MED12L: variants seen among roughly 807,000 people sequenced by gnomAD.
MED12L encodes mediator of RNA polymerase II transcription subunit 12-like protein.
A neutral mutation model predicts 281.3 loss-of-function variants in MED12L; 60 were observed. The ratio of observed to expected loss-of-function variants is 0.21; its 90% confidence interval spans 0.17 to 0.26. The LOEUF is 0.26. Among genes scored for constraint, MED12L ranks in the 10% least tolerant of loss-of-function variants. The pLI is 1.00. For synonymous variants in MED12L, 974 were observed against 987.2 expected, an observed-to-expected ratio of 0.99 and a Z score of 0.25; for missense variants, 2,146 against 2,680.9, an observed-to-expected ratio of 0.80 and a Z score of 4.41.
chr3:151,356,894 CT>C (rs1264314834), intron 19 of MED12L, among the ~76,000 whole-genome samples: 5 of 151,862 alleles, frequency 3.3e-5, no homozygotes, highest in African/African-American at 1.2e-4. Flanking sequence ...AGCCAAATAA[CT>C]TTCATTTTAT....
chr3:151,264,029 T>C (rs1289839658), intron 16 of MED12L, among the ~76,000 whole-genome samples: 1 of 152,252 alleles, frequency 6.6e-6, no homozygotes, highest in African/African-American at 2.4e-5. Context: ...ATGGTGACTT[T>C]TCCATTTCAG....
At chr3:151,189,734 A>G (rs1310760647) in intron 13 of MED12L, among the ~76,000 whole-genome samples, 1 of 152,202 alleles carries the variant, frequency 6.6e-6, no homozygotes, top group Non-Finnish European at 1.5e-5. Context: ...TGTGAATGTG[A>G]TGGTACCAAG....
intron 20 of MED12L, 150 bp downstream of exon 20, chr3:151,357,526 C>G: frequency 1.6e-6 from 1 of 641,822 alleles, no homozygotes; most frequent in Middle Eastern, 4.5e-4. Context: ...AAACATCGAT[C>G]AAAAAGGTCT....
At chr3:151,328,882 G>A in intron 16 of MED12L, 1 of 1,614,032 alleles carries the variant, frequency 6.2e-7, no homozygotes, top group Non-Finnish European at 8.5e-7. Context: ...TCAGCAGGAT[G>A]CCGGTCAAGA....
intron 16 of MED12L, chr3:151,198,282 C>G: frequency 1.7e-6 from 1 of 573,146 alleles, no homozygotes; most frequent in Non-Finnish European, 2.8e-6. Context: ...AACAGGATTT[C>G]TAAGTAAACC....
chr3:151,379,687 C>CAT (rs1711895232), intron 31 of MED12L, among the ~76,000 whole-genome samples: 1 of 152,122 alleles, frequency 6.6e-6, no homozygotes, highest in South Asian at 2.1e-4. Flanking sequence ...GCTCAACAGA[C>CAT]ATATATATAG....
chr3:151,136,891 C>T (rs375192168), intron 5 of MED12L, among the ~76,000 whole-genome samples: 34 of 152,074 alleles, frequency 2.2e-4, no homozygotes, highest in African/African-American at 5.5e-4. Context: ...AGGCTGTGTG[C>T]GGTGGCTCAC....
At chr3:151,278,921 T>C (rs989291819) in intron 16 of MED12L, among the ~76,000 whole-genome samples, 1 of 152,252 alleles carries the variant, frequency 6.6e-6, no homozygotes, top group African/African-American at 2.4e-5. Context: ...TGAACATTAC[T>C]GATAAATAGA....
intron 2 of MED12L, among the ~76,000 whole-genome samples, chr3:151,094,013 G>T (rs935548339): frequency 6.6e-6 from 1 of 152,228 alleles, no homozygotes; most frequent in Non-Finnish European, 1.5e-5. Flanking sequence ...TGAGCACGAG[G>T]TAGGAGAGGA....
At chr3:151,423,578 G>A (rs1164163362) in intron 43 of MED12L, among the ~76,000 whole-genome samples, 1 of 152,126 alleles carries the variant, frequency 6.6e-6, no homozygotes. Flanking sequence ...AAAGACATGG[G>A]TACCCTTGCT....
Position 151,188,349 on chromosome 3 carries a change from T to C in MED12L, c.1627-5T>C, listed in dbSNP as rs1334637655. ...TTAACTTTGTTATTTATTTTTAATC[T>C]GTAGAGATGTGGTGAATCAGAAGTC... On this transcript the variant is annotated splice_region_variant and splice_polypyrimidine_tract_variant and intron_variant, in intron 12 of 44. Coordinates refer to ENST00000687756, the MANE Select transcript of MED12L (RefSeq NM_001393769.1). The C allele has an allele frequency of 6.3e-7, 1 of 1,591,010 alleles. No individual in the cohort carries two copies.
chr3:151,136,138 C>G (rs187305605), intron 5 of MED12L, among the ~76,000 whole-genome samples: 2 of 152,162 alleles, frequency 1.3e-5, no homozygotes, highest in African/African-American at 2.4e-5. Flanking sequence ...CTATCCTTAT[C>G]GCTCCCAAAA....
At chr3:151,163,646 T>C (rs1720295537) in intron 8 of MED12L, among the ~76,000 whole-genome samples, 1 of 152,230 alleles carries the variant, frequency 6.6e-6, no homozygotes, top group African/African-American at 2.4e-5. Context: ...CAGGTTCCTG[T>C]TGGAGTATTA....
intron 2 of MED12L, among the ~76,000 whole-genome samples, chr3:151,096,505 T>C (rs1464308243): frequency 6.6e-6 from 1 of 151,926 alleles, no homozygotes; most frequent in Non-Finnish European, 1.5e-5. Context: ...AGGCAGTGCA[T>C]TCTGACTTGG....
At chr3:151,327,789 C>T (rs1266195029) in intron 16 of MED12L, 1 of 401,224 alleles carries the variant, frequency 2.5e-6, no homozygotes, top group Admixed American at 4.1e-5. Flanking sequence ...CATTTGTATC[C>T]TGTTGCATTC....
At chr3:151,211,854 C>T (rs1417208891) in intron 16 of MED12L, among the ~76,000 whole-genome samples, 3 of 152,196 alleles carry the variant, frequency 2.0e-5, no homozygotes, top group Non-Finnish European at 2.9e-5. Context: ...CCATGTTGCC[C>T]AGGCTGGTCT....
At position 151,299,353 on chromosome 3, in the gene MED12L, C is replaced by T. The variant is rs535166201; in HGVS notation, c.2251-50706C>T. ...CTTTCCTTCTTTCTTTCCTTCCTTC[C>T]TTCTTTCTTTTCTTTTCTTTTCTTT... On this transcript the variant is annotated intron_variant, in intron 16 of 44. Coordinates refer to ENST00000687756, the MANE Select transcript of MED12L (RefSeq NM_001393769.1). Among the ~76,000 whole-genome samples the T allele has an allele frequency of 9.8e-3, 556 of 56,908 alleles. 4 individuals are homozygous for T. Among genetic ancestry groups the T allele is most frequent in the African/African-American group, 0.028 (484 of 17,028 alleles). The allele number at this position is 56,908 out of a possible 152,430, so 37.3% of individuals were successfully genotyped here.
chr3:151,263,149 A>C (rs1244053359), intron 16 of MED12L, among the ~76,000 whole-genome samples: 1 of 152,166 alleles, frequency 6.6e-6, no homozygotes, highest in Non-Finnish European at 1.5e-5. Flanking sequence ...AGATGGATCA[A>C]CAGCTGAGGA....
At chr3:151,218,321 T>G (rs761424399) in intron 16 of MED12L, among the ~76,000 whole-genome samples, 1 of 152,176 alleles carries the variant, frequency 6.6e-6, no homozygotes, top group Non-Finnish European at 1.5e-5. Flanking sequence ...AGAAAAAAAT[T>G]AAAAGATGAA....
Sources: gnomAD v4.1 joint callset for allele counts (sites outside exome capture counted in the v4.1 genomes callset) on GRCh38, gnomAD v4.1.1 for gene constraint, MANE v1.5 for transcripts, NCBI Gene and HGNC (gene_info 2026-07-23, HGNC 2026-07-21) for gene names.